The following ABCA13 variants were observed in gnomAD, a reference collection of about 807,000 sequenced individuals.
ABCA13 encodes the protein ATP-binding cassette sub-family A member 13.
In ABCA13, 476 loss-of-function variants were observed where a neutral mutation model predicts 478.7. The ratio of observed to expected loss-of-function variants is 0.99; its 90% CI spans 0.92 to 1.07. ABCA13 has a LOEUF of 1.07. Ranked by LOEUF, ABCA13 falls within the 50% of genes least tolerant of loss-of-function variation. The pLI is 0.00. For missense variants in ABCA13, 6,060 were observed against 5,910.6 expected (o/e 1.03, Z -0.83); for synonymous variants, 2,252 against 2,158.9 (o/e 1.04, Z -1.20).
At chr7:48,194,266 TTGA>T (rs1208541426) in intron 2 of ABCA13, among the ~76,000 whole-genome samples, 9 of 3,102 alleles carry the variant, frequency 2.9e-3, no homozygotes. Flanking sequence ...AGTGATGATG[TTGA>T]TGATAATGGA....
intron 42 of ABCA13, among the ~76,000 whole-genome samples, chr7:48,444,655 C>T (rs1286288853): frequency 2.0e-5 from 3 of 152,100 alleles, no homozygotes; most frequent in African/African-American, 7.2e-5. Context: ...CATTTTGTCC[C>T]TAACTGAGGT....
intron 26 of ABCA13, among the ~76,000 whole-genome samples, chr7:48,316,855 C>T (rs550587125): frequency 6.6e-6 from 1 of 152,196 alleles, no homozygotes; most frequent in South Asian, 2.1e-4. Flanking sequence ...CTCTTGGGAA[C>T]TAATAGAGTG....
At position 48,391,904 on chromosome 7, in the gene ABCA13, C is replaced by T; in HGVS notation, c.11655-17C>T. ...CAGCAACGCGTATTCTCCATGCTGT[C>T]TTATTTTCTCTGGCAGATCCATGTT... On this transcript the variant is annotated splice_polypyrimidine_tract_variant and intron_variant, in intron 37 of 61. Coordinates refer to ENST00000435803, the MANE Select transcript of ABCA13 (RefSeq NM_152701.5). 57 of 1,611,236 alleles carry T rather than the reference C, an allele frequency of 3.5e-5. No individual in the cohort carries two copies. Among genetic ancestry groups the T allele is most frequent in the Non-Finnish European group, 4.8e-5 (57 of 1,178,218 alleles).
chr7:48,570,482 G>T (rs141590817), intron 55 of ABCA13, among the ~76,000 whole-genome samples: 86 of 151,584 alleles, frequency 5.7e-4, no homozygotes, highest in Admixed American at 2.4e-3. Flanking sequence ...CTGCCACCAC[G>T]CCTGGCCAAT....
chr7:48,517,700 C>G (rs1437272394), intron 52 of ABCA13, among the ~76,000 whole-genome samples: 1 of 152,210 alleles, frequency 6.6e-6, no homozygotes, highest in African/African-American at 2.4e-5. Flanking sequence ...GCACTTTCCT[C>G]TGCACCCTTA....
chr7:48,537,810 G>A (rs1833684805), intron 55 of ABCA13, among the ~76,000 whole-genome samples: 1 of 152,086 alleles, frequency 6.6e-6, no homozygotes, highest in African/African-American at 2.4e-5. Context: ...GTGACCAGGG[G>A]TGACTCAGGA....
intron 41 of ABCA13, among the ~76,000 whole-genome samples, chr7:48,417,560 AAAATTGAGCAGAATGCAC>A (rs1271662827): frequency 6.6e-6 from 1 of 152,180 alleles, no homozygotes; most frequent in Non-Finnish European, 1.5e-5. Context: ...GATTCTCAGC[AAAATTGAGCAGAATGCAC>A]AAATTGTGCA....
At chr7:48,251,860 C>T (rs1051114272) in intron 15 of ABCA13, among the ~76,000 whole-genome samples, 6 of 152,134 alleles carry the variant, frequency 3.9e-5, no homozygotes, top group Non-Finnish European at 1.5e-5. Context: ...TGTCATTCAA[C>T]TGCCTTCTGG....
At chr7:48,198,985 A>C (rs1917943) in intron 3 of ABCA13, among the ~76,000 whole-genome samples, 112,738 of 152,002 alleles carry the variant, frequency 0.74, 42,255 homozygotes, top group Non-Finnish European at 0.8. Flanking sequence ...CTTGGGGGAT[A>C]CTGAATGCCC....
chr7:48,252,870 G>T (rs934585830), intron 15 of ABCA13, among the ~76,000 whole-genome samples: 1 of 151,912 alleles, frequency 6.6e-6, no homozygotes, highest in Non-Finnish European at 1.5e-5. Flanking sequence ...TTTTATTTTG[G>T]TATGTCTTGA....
intron 58 of ABCA13, among the ~76,000 whole-genome samples, chr7:48,610,952 G>T (rs767094306): frequency 6.6e-6 from 1 of 152,156 alleles, no homozygotes; most frequent in Non-Finnish European, 1.5e-5. Context: ...TGCCTAGAAG[G>T]TCTCTGAAAT....
At chr7:48,226,108 G>C (rs17712043) in intron 5 of ABCA13, among the ~76,000 whole-genome samples, 17,232 of 152,136 alleles carry the variant, frequency 0.11, 1,130 homozygotes, top group East Asian at 0.22. Context: ...TCATCGAAGA[G>C]TGAGGTGCAT....
chr7:48,609,159 G>A (rs918447938), intron 58 of ABCA13, among the ~76,000 whole-genome samples: 15 of 152,058 alleles, frequency 9.9e-5, no homozygotes, highest in African/African-American at 2.7e-4. Flanking sequence ...GAGCCTTCAT[G>A]TTCATGCAGA....
chr7:48,560,446 C>T (rs1213871430), intron 55 of ABCA13, among the ~76,000 whole-genome samples: 1 of 152,194 alleles, frequency 6.6e-6, no homozygotes, highest in Non-Finnish European at 1.5e-5. Flanking sequence ...CCACCCTCTT[C>T]AGTGCCTCTT....
At chr7:48,322,189 A>C (rs1424019171) in intron 27 of ABCA13, among the ~76,000 whole-genome samples, 1 of 152,194 alleles carries the variant, frequency 6.6e-6, no homozygotes, top group Non-Finnish European at 1.5e-5. Flanking sequence ...CAGGAAACAG[A>C]GCAGGTCCCA....
At chr7:48,426,324 G>A (rs34691991) in intron 41 of ABCA13, among the ~76,000 whole-genome samples, 41,787 of 152,030 alleles carry the variant, frequency 0.27, 5,893 homozygotes, top group East Asian at 0.37. Context: ...AACCACGTGC[G>A]GAGATATTGC....
chr7:48,633,951 GA>G (rs1563532695), intron 59 of ABCA13, among the ~76,000 whole-genome samples: 1 of 151,688 alleles, frequency 6.6e-6, no homozygotes. Flanking sequence ...TAGATAGATA[GA>G]TAGATAGATA....
Position 48,272,674 on chromosome 7 carries a change from A to G in ABCA13, c.3008A>G (p.Asn1003Ser). ...KHILDIIKQF[N>S]FQNISKAFAF... ...ATTTTGGATATCATAAAACAATTTA[A>G]TTTCCAAAACATCAGTAAAGCATTT... Residue 1003 changes from asparagine (N) to serine (S), a missense_variant, in exon 17 of 62, where the codon AAT becomes AGT. Asn to Ser is a conservative substitution (Grantham distance 46). Coordinates refer to ENST00000435803, the MANE Select transcript of ABCA13 (RefSeq NM_152701.5). 1.2e-6 allele frequency: 2 copies of G among 1,612,942 alleles called. No homozygotes were observed. The highest frequency in any genetic ancestry group is 1.7e-6 in the Non-Finnish European group (2 of 1,179,314).
chr7:48,273,837 C>G lies in ABCA13; in HGVS notation c.4171C>G (p.Leu1391Val). 1 of 1,612,106 alleles carries G rather than the reference C, an allele frequency of 6.2e-7. No individual in the cohort carries two copies. Among genetic ancestry groups the G allele is most frequent in the Non-Finnish European group, 8.5e-7 (1 of 1,178,910 alleles). ...TTCCTCTGAGAACACAATTAGCAGTCTGAAAGGATGCATTGTATGGTTAGA... is the reference window on the plus strand; with the variant it reads ...TTCCTCTGAGAACACAATTAGCAGTGTGAAAGGATGCATTGTATGGTTAGA... ...TFSSENTISS[L>V]KGCIVWLDVI... The change falls in exon 17 of 62, where the codon CTG becomes GTG. Residue 1391 changes from leucine to valine, a missense_variant. Leu to Val is a conservative substitution (Grantham distance 32). Coordinates refer to ENST00000435803, the MANE Select transcript of ABCA13 (RefSeq NM_152701.5).
Sources: gnomAD v4.1 joint callset for allele counts (sites outside exome capture counted in the v4.1 genomes callset) on GRCh38, gnomAD v4.1.1 for gene constraint, MANE v1.5 for transcripts, NCBI Gene and HGNC (gene_info 2026-07-23, HGNC 2026-07-21) for gene names.